The following ARL3 variants were observed in gnomAD, a reference collection of about 807,000 sequenced individuals.
ARL3 encodes ADP-ribosylation factor-like protein 3.
In ARL3, 9 loss-of-function variants were observed where a neutral mutation model predicts 26.0. The observed-to-expected ratio is 0.35, with a 90% CI of 0.21 to 0.60. The LOEUF is 0.60. Among genes scored for constraint, ARL3 ranks in the 20% least tolerant of loss-of-function variants. The pLI, the probability that ARL3 is intolerant of heterozygous loss-of-function variation, is 0.78. For missense variants in ARL3, 158 were observed against 215.7 expected (o/e 0.73, Z 1.67); for synonymous variants, 71 against 78.4 (o/e 0.91, Z 0.50).
intron 5 of ARL3, among the ~76,000 whole-genome samples, chr10:102,683,945 T>C (rs1424805621): frequency 1.3e-5 from 2 of 152,318 alleles, no homozygotes; most frequent in East Asian, 3.9e-4. Context: ...GTTCTCCTTT[T>C]TCACATCGCT....
chr10:102,689,828 T>C, intron 4 of ARL3, 65 bp downstream of exon 4: 1 of 1,015,998 alleles, frequency 9.8e-7, no homozygotes. Context: ...AAACTCCGTC[T>C]CAAAAAAAAA....
rs370505468 is a variant in ARL3 at position 102,689,900 on chromosome 10, G to A, written c.308C>T (p.Thr103Met). The change falls in exon 4 of 6, where the codon ACG (threonine) becomes ATG (methionine). Residue 103 changes from threonine to methionine, a missense_variant. Physicochemically the swap from Thr to Met is moderately conservative, Grantham distance 81 (BLOSUM62 -1). Coordinates refer to ENST00000260746, the MANE Select transcript of ARL3 (RefSeq NM_004311.4). ...TAAAAAAGAATTATTTACCTGACCC[G>A]TCTCTTCAAATCTTTTTCTGTCTGC... Reference protein sequence around the residue: ...DSADRKRFEETGQELAELLEE... With the variant: ...DSADRKRFEEMGQELAELLEE... The A allele has an allele frequency of 1.4e-5, 22 of 1,590,580 alleles. No homozygotes were observed. In the East Asian group the frequency reaches 2.0e-4, roughly 15 times the overall value.
intron 5 of ARL3, among the ~76,000 whole-genome samples, chr10:102,678,571 G>A (rs961451100): frequency 5.9e-5 from 9 of 152,146 alleles, no homozygotes; most frequent in African/African-American, 9.7e-5. Flanking sequence ...TCAAAGGTGG[G>A]CACCTCAACA....
At chr10:102,700,270 G>A (rs368367168) in intron 2 of ARL3, among the ~76,000 whole-genome samples, 22 of 151,966 alleles carry the variant, frequency 1.4e-4, no homozygotes, top group African/African-American at 2.4e-4. Context: ...TTAGCCAGGC[G>A]TGTTGGCGCA....
At chr10:102,712,982 T>C (rs897474394) in intron 1 of ARL3, among the ~76,000 whole-genome samples, 3 of 151,930 alleles carry the variant, frequency 2.0e-5, no homozygotes, top group Admixed American at 2.0e-4. Flanking sequence ...AATCTGACAA[T>C]GTAAAATCAA....
chr10:102,699,270 G>A, intron 3 of ARL3, 103 bp downstream of exon 3: 1 of 787,032 alleles, frequency 1.3e-6, no homozygotes, highest in Admixed American at 1.9e-5. Context: ...AGTGATTAAT[G>A]TTATGGTGGT....
chr10:102,708,908 A>ATTTTTTTTTTTT (rs1554864095), intron 1 of ARL3, among the ~76,000 whole-genome samples: 6 of 95,348 alleles, frequency 6.3e-5, no homozygotes, highest in African/African-American at 2.5e-4. Flanking sequence ...ATATATATAT[A>ATTTTTTTTTTTT]TTTTTTTTTT....
intron 3 of ARL3, among the ~76,000 whole-genome samples, chr10:102,695,134 A>G (rs995913656): frequency 6.6e-6 from 1 of 152,208 alleles, no homozygotes; most frequent in African/African-American, 2.4e-5. Context: ...TTTTCCATAT[A>G]AACATTAGAA....
At chr10:102,691,343 A>G (rs946959222) in intron 3 of ARL3, among the ~76,000 whole-genome samples, 8 of 138,288 alleles carry the variant, frequency 5.8e-5, no homozygotes, top group South Asian at 2.3e-4. Flanking sequence ...TCATTGTTCA[A>G]TTCCCACCTA....
intron 3 of ARL3, among the ~76,000 whole-genome samples, chr10:102,694,877 C>A (rs1485950631): frequency 1.3e-5 from 2 of 152,186 alleles, no homozygotes; most frequent in Non-Finnish European, 2.9e-5. Flanking sequence ...TGCCACTACA[C>A]CCGGCTAATT....
intron 5 of ARL3, among the ~76,000 whole-genome samples, chr10:102,683,747 T>G (rs1564728859): frequency 1.3e-5 from 2 of 152,164 alleles, no homozygotes; most frequent in Non-Finnish European, 2.9e-5. Context: ...TGAAGGGCAC[T>G]GTCTACGGTG....
chr10:102,678,227 C>A (rs1046696515), intron 5 of ARL3, among the ~76,000 whole-genome samples: 4 of 152,150 alleles, frequency 2.6e-5, no homozygotes, highest in Admixed American at 1.3e-4. Flanking sequence ...TGGACAGCAC[C>A]TGGCAGCAGC....
chr10:102,676,688 C>T lies in ARL3; in HGVS notation c.*206G>A. 1 of 539,174 alleles carries T rather than the reference C, an allele frequency of 1.9e-6. No individual in the cohort carries two copies. Among genetic ancestry groups the T allele is most frequent in the South Asian group, 2.2e-5 (1 of 44,664 alleles). 33.4% of individuals were successfully genotyped at this position (539,174 alleles called of 1,614,324 possible). ...TTATGCAGAGGAAATAATATAATTC[C>T]TTTATTTGAAAAATGATACTGAACC... On this transcript the variant is annotated 3_prime_UTR_variant, in exon 6 of 6. Coordinates refer to ENST00000260746, the MANE Select transcript of ARL3 (RefSeq NM_004311.4).
rs2064125605 is a variant in ARL3, at chr10:102,675,531, C to G, written c.*1363G>C. The G allele has an allele frequency of 6.6e-6, 1 of 152,228 alleles. No homozygotes were observed. The highest frequency in any genetic ancestry group is 2.4e-5 in the African/African-American group (1 of 41,460). 9.4% of individuals were successfully genotyped at this position (152,228 alleles called of 1,614,324 possible). On this transcript the variant is annotated 3_prime_UTR_variant, in exon 6 of 6. Coordinates refer to ENST00000260746, the MANE Select transcript of ARL3 (RefSeq NM_004311.4). ...AAACCCCTGAGCTCAGGCACCAGAACAGAGTTTAATTCAGGAGCCGGGCAA... is the reference window on the plus strand; with the variant it reads ...AAACCCCTGAGCTCAGGCACCAGAAGAGAGTTTAATTCAGGAGCCGGGCAA...
chr10:102,692,969 T>A (rs2064227478), intron 3 of ARL3, among the ~76,000 whole-genome samples: 1 of 152,244 alleles, frequency 6.6e-6, no homozygotes, highest in Non-Finnish European at 1.5e-5. Context: ...CTGCTGGGAT[T>A]ACAGGCATGA....
intron 4 of ARL3, among the ~76,000 whole-genome samples, chr10:102,688,086 C>T (rs1453936469): frequency 1.3e-5 from 2 of 152,202 alleles, no homozygotes; most frequent in Non-Finnish European, 2.9e-5. Context: ...ATTGGTCCAT[C>T]TGGCAAGGTC....
intron 5 of ARL3, among the ~76,000 whole-genome samples, chr10:102,677,170 C>G (rs922769174): frequency 6.6e-6 from 1 of 152,086 alleles, no homozygotes; most frequent in African/African-American, 2.4e-5. Flanking sequence ...AGGGGGATGC[C>G]CAGCGCCTGA....
intron 4 of ARL3, 113 bp downstream of exon 4, chr10:102,689,780 A>T: frequency 3.7e-6 from 2 of 534,164 alleles, no homozygotes; most frequent in Non-Finnish European, 6.4e-6. Context: ...GTGAGCCGAG[A>T]TCATGCCATT....
intron 2 of ARL3, among the ~76,000 whole-genome samples, chr10:102,704,776 C>T (rs1474070983): frequency 1.3e-5 from 2 of 151,890 alleles, no homozygotes; most frequent in Admixed American, 6.6e-5. Flanking sequence ...TAACATAACA[C>T]GTACAATATG....
Sources: allele counts gnomAD v4.1 joint callset (sites outside exome capture counted in the v4.1 genomes callset), GRCh38; gene constraint gnomAD v4.1.1; transcripts MANE v1.5; gene names NCBI Gene and HGNC (gene_info 2026-07-23, HGNC 2026-07-21).